BFAR: variants seen among roughly 807,000 people sequenced by gnomAD.
BFAR encodes bifunctional apoptosis regulator.
In BFAR, 52 loss-of-function variants were observed where a neutral mutation model predicts 54.4. That is an observed-to-expected ratio of 0.96 (90% CI 0.77 to 1.21). BFAR has a LOEUF of 1.21. BFAR is among the 50% of genes most tolerant of loss of function. The pLI, the probability that BFAR is intolerant of heterozygous loss-of-function variation, is 0.00. For synonymous variants in BFAR, 215 were observed against 204.3 expected (o/e 1.05, Z -0.45); for missense variants, 571 against 534.0 (o/e 1.07, Z -0.68).
At chr16:14,650,848 G>C (rs942489896) in intron 4 of BFAR, among the ~76,000 whole-genome samples, 1 of 152,110 alleles carries the variant, frequency 6.6e-6, no homozygotes, top group Middle Eastern at 3.2e-3. Context: ...ATACTGTCTT[G>C]GAGTGGAATG....
chr16:14,655,596 G>A (rs1224000837), intron 5 of BFAR, among the ~76,000 whole-genome samples: 3 of 151,642 alleles, frequency 2.0e-5, no homozygotes, highest in African/African-American at 7.3e-5. Flanking sequence ...ACCACACCAG[G>A]CTAATGTTTA....
chr16:14,654,724 A>C (rs1960073248), intron 4 of BFAR, among the ~76,000 whole-genome samples: 3 of 151,876 alleles, frequency 2.0e-5, no homozygotes, highest in African/African-American at 7.3e-5. Context: ...TAAACACCTG[A>C]TTTCAAGTGA....
intron 1 of BFAR, among the ~76,000 whole-genome samples, chr16:14,636,870 T>C (rs546319468): frequency 1.5e-3 from 231 of 152,204 alleles, no homozygotes; most frequent in Non-Finnish European, 1.7e-3. Context: ...TCTTAAGGAG[T>C]ATGCTGCCTT....
At chr16:14,650,794 T>C (rs1959946836) in intron 4 of BFAR, among the ~76,000 whole-genome samples, 1 of 152,224 alleles carries the variant, frequency 6.6e-6, no homozygotes, top group South Asian at 2.1e-4. Context: ...ATAATGATGC[T>C]ATGATCGTTC....
chr16:14,648,661 G>A lies in BFAR; in HGVS notation c.468+69G>A, dbSNP rs753273716. 2.0e-4 allele frequency: 232 copies of A among 1,174,140 alleles called. 6 individuals are homozygous for A. The highest frequency in any genetic ancestry group is 1.8e-3 in the South Asian group (135 of 75,576). 72.7% of individuals were successfully genotyped at this position (1,174,140 alleles called of 1,614,324 possible). A position where few individuals can be genotyped will look rare whatever the true frequency, so the allele number is the denominator to read the frequency against. On this transcript the variant is annotated intron_variant, in intron 3 of 7. Transcript: ENST00000261658. ...CCCCCGACCCCTGATTTCCACTGAA[G>A]TCAGTTCTGTTGAAATCACTGAAAT...
At position 14,656,672 on chromosome 16, in the gene BFAR, A is replaced by G. The variant is rs1422368857; in HGVS notation, c.783+1462A>G. ...TTAACGGAAAGTTGTTAAACAAGTT[A>G]TTCACGGCAGCATTGTTGGTAATTG... On this transcript the variant is annotated intron_variant, in intron 5 of 7. Coordinates refer to ENST00000261658, the MANE Select transcript of BFAR (RefSeq NM_016561.3). Among the ~76,000 whole-genome samples the G allele has an allele frequency of 2.0e-5, 3 of 152,160 alleles. No homozygotes were observed. In the East Asian group the frequency reaches 5.8e-4, roughly 29 times the overall value.
intron 1 of BFAR, among the ~76,000 whole-genome samples, chr16:14,640,465 GT>G (rs201428172): frequency 6.6e-6 from 1 of 151,630 alleles, no homozygotes; most frequent in East Asian, 1.9e-4. Flanking sequence ...TTTTGTTTTT[GT>G]TTTTTTTCAA....
chr16:14,647,444 C>G (rs1007105935), intron 2 of BFAR, among the ~76,000 whole-genome samples: 3 of 151,260 alleles, frequency 2.0e-5, no homozygotes, highest in African/African-American at 7.3e-5. Flanking sequence ...GCCTGTAATC[C>G]CAGTACCTTG....
At chr16:14,648,703 C>A in intron 3 of BFAR, 111 bp downstream of exon 3, 1 of 790,952 alleles carries the variant, frequency 1.3e-6, no homozygotes, top group Non-Finnish European at 2.1e-6. Flanking sequence ...TGATGTGACT[C>A]CATGTAATTT....
chr16:14,646,528 C>T (rs1959801357), intron 2 of BFAR, among the ~76,000 whole-genome samples: 1 of 149,688 alleles, frequency 6.7e-6, no homozygotes, highest in African/African-American at 2.5e-5. Flanking sequence ...GATGGAGCTT[C>T]ACCCTTGTTG....
chr16:14,659,225 G>GTTTTTTTTTTTTTTT (rs1295639386), intron 5 of BFAR, among the ~76,000 whole-genome samples: 1 of 141,302 alleles, frequency 7.1e-6, no homozygotes. Context: ...ATGCAATTTG[G>GTTTTTTTTTTTTTTT]TTTTTTTTGT....
chr16:14,660,637 A>T (rs1596991282), intron 5 of BFAR, among the ~76,000 whole-genome samples: 1 of 127,582 alleles, frequency 7.8e-6, no homozygotes, highest in African/African-American at 2.9e-5. Context: ...GTGGTGGCTC[A>T]CACCTGTAAT....
In BFAR at chr16:14,667,826, G is replaced by A. The variant is rs1960487297; in HGVS notation, c.1352G>A (p.Ter451=). The A allele has an allele frequency of 6.2e-7, 1 of 1,613,666 alleles. No homozygotes were observed. Among genetic ancestry groups the A allele is most frequent in the South Asian group, 1.1e-5 (1 of 91,072 alleles). Residue 451 remains the stop codon, a stop_retained_variant, in exon 8 of 8, where the codon TGA becomes TAA. Coordinates refer to ENST00000261658, the MANE Select transcript of BFAR (RefSeq NM_016561.3). ...CGGCGGCTGGAAACCCAGGTGTTGT[G>A]ACTGGCACTGCCCAGGCTGAGACTC... ...ELRRLETQVL[*]
Position 14,644,538 on chromosome 16 carries a change from T to G in BFAR, c.192T>G (p.Ser64=). Residue 64 remains serine (S), a synonymous_variant, in exon 2 of 8, where the codon TCT becomes TCG. Transcript: ENST00000261658. ...CRHCLALWWA[S]SKKTECPECR... is the part of the protein sequence containing the mutation. The stretch of plus-strand genomic sequence containing the variant: ...ACTGCCTTGCTTTATGGTGGGCATC[T>G]TCAAAGAAAACAGAATGTCCAGAAT... The G allele has an allele frequency of 6.2e-7, 1 of 1,614,108 alleles. No homozygotes were observed. Among genetic ancestry groups the G allele is most frequent in the South Asian group, 1.1e-5 (1 of 91,076 alleles).
At chr16:14,645,402 TAACCCCAG>T (rs1959763060) in intron 2 of BFAR, among the ~76,000 whole-genome samples, 1 of 152,268 alleles carries the variant, frequency 6.6e-6, no homozygotes, top group African/African-American at 2.4e-5. Context: ...AATCTTTAGA[TAACCCCAG>T]TTCCAGTTAT....
Position 14,648,493 on chromosome 16 carries a change from GA to G in BFAR, c.371del (p.Asn124MetfsTer6). 6.2e-7 allele frequency: 1 copy of G among 1,613,822 alleles called. No individual in the cohort carries two copies. The highest frequency in any genetic ancestry group is 8.5e-7 in the Non-Finnish European group (1 of 1,179,744). On this transcript the variant is annotated frameshift_variant, in exon 3 of 8. Coordinates refer to ENST00000261658, the MANE Select transcript of BFAR (RefSeq NM_016561.3). LOFTEE classifies it high-confidence loss of function. ...GTCTTGCAGCCTTTCAGAAATATGG[GA>G]ATGATCAGATTCCTTTAGCTCCTAA... ...QSLAAFQKYG[N>X]DQIPLAPNTG...
Position 14,644,288 on chromosome 16 carries a change from G to A in BFAR, c.-59G>A. Reference sequence around the variant, plus strand: ...TTTTTTTCTAGATTAATGATGTTTTGCAGCAGTTTTCTACGTCTGAAATTT... The same window carrying A: ...TTTTTTTCTAGATTAATGATGTTTTACAGCAGTTTTCTACGTCTGAAATTT... On this transcript the variant is annotated 5_prime_UTR_variant, in exon 2 of 8. Coordinates refer to ENST00000261658, the MANE Select transcript of BFAR (RefSeq NM_016561.3). The A allele has an allele frequency of 6.2e-6, 9 of 1,448,824 alleles. No individual in the cohort carries two copies. The highest frequency in any genetic ancestry group is 8.5e-6 in the Non-Finnish European group (9 of 1,057,228). The allele number at this position is 1,448,824 out of a possible 1,614,324, so 89.7% of individuals were successfully genotyped here. A position where few individuals can be genotyped will look rare whatever the true frequency, so the allele number is the denominator to read the frequency against.
At chr16:14,653,381 G>A (rs942539666) in intron 4 of BFAR, among the ~76,000 whole-genome samples, 1 of 151,948 alleles carries the variant, frequency 6.6e-6, no homozygotes, top group Non-Finnish European at 1.5e-5. Context: ...AGGCTGGAGT[G>A]CAGTGGCGTG....
chr16:14,639,539 C>A (rs1360181548), intron 1 of BFAR, among the ~76,000 whole-genome samples: 1 of 152,142 alleles, frequency 6.6e-6, no homozygotes, highest in African/African-American at 2.4e-5. Flanking sequence ...AATTCCTAAC[C>A]TCAGGTGATC....
Sources: gnomAD v4.1 joint callset for allele counts (sites outside exome capture counted in the v4.1 genomes callset) on GRCh38, gnomAD v4.1.1 for gene constraint, MANE v1.5 for transcripts, NCBI Gene and HGNC (gene_info 2026-07-23, HGNC 2026-07-21) for gene names.